CASC3: variants seen among roughly 807,000 people sequenced by gnomAD.
The protein encoded by CASC3 is protein CASC3.
In CASC3, 30 loss-of-function variants were observed where a neutral mutation model predicts 80.5. That is an observed-to-expected ratio of 0.37 (90% CI 0.28 to 0.51). CASC3 has a LOEUF of 0.51. CASC3 is among the 20% of genes least tolerant of loss of function. The pLI is 0.94. For synonymous variants in CASC3, 312 were observed against 333.6 expected (o/e 0.94, Z 0.70); for missense variants, 824 against 922.2 (o/e 0.89, Z 1.38).
chr17:40,144,068 A>T (rs1476764344), intron 3 of CASC3, among the ~76,000 whole-genome samples: 1 of 151,874 alleles, frequency 6.6e-6, no homozygotes, highest in Non-Finnish European at 1.5e-5. Flanking sequence ...CCTGGCCAAC[A>T]TGGCGAAACC....
intron 7 of CASC3, among the ~76,000 whole-genome samples, chr17:40,164,898 G>C (rs1048088887): frequency 2.0e-5 from 3 of 150,742 alleles, no homozygotes; most frequent in African/African-American, 7.3e-5. Flanking sequence ...TGGGATTACA[G>C]GCTCTCACCA....
At chr17:40,169,831 C>T (rs1257431096) in intron 13 of CASC3, among the ~76,000 whole-genome samples, 169 bp downstream of exon 13, 4 of 130,128 alleles carry the variant, frequency 3.1e-5, no homozygotes, top group Non-Finnish European at 4.7e-5. Context: ...TCTCGGCTCA[C>T]TGCAACCTCC....
chr17:40,166,450 G>A (rs1989450913), intron 7 of CASC3, among the ~76,000 whole-genome samples: 1 of 152,204 alleles, frequency 6.6e-6, no homozygotes, highest in South Asian at 2.1e-4. Flanking sequence ...CTCTTGGGCT[G>A]AGATTTTTCA....
At position 40,144,607 on chromosome 17, in the gene CASC3, A is replaced by G. The variant is rs114114997; in HGVS notation, c.297+3000A>G. ...TGATCCGTCCGCCTCAGCTTCCCAA[A>G]GTACCGGGATTACAGGTGGATTACG... On this transcript the variant is annotated intron_variant, in intron 3 of 13. Transcript: ENST00000264645. Among the ~76,000 whole-genome samples, 1,316 of 150,532 alleles carry G rather than the reference A, an allele frequency of 8.7e-3. 26 individuals carry two copies. The highest frequency in any genetic ancestry group is 0.03 in the African/African-American group (1,230 of 41,002).
chr17:40,141,137 C>T (rs958301471), intron 1 of CASC3, 70 bp from the exon 2 acceptor site: 1 of 1,399,120 alleles, frequency 7.1e-7, no homozygotes, highest in Non-Finnish European at 1.0e-6. Context: ...GCTTTTCACC[C>T]ACATTTCTTT....
At chr17:40,159,689 C>T (rs1195542213) in intron 3 of CASC3, among the ~76,000 whole-genome samples, 1 of 147,022 alleles carries the variant, frequency 6.8e-6, no homozygotes, top group East Asian at 2.0e-4. Flanking sequence ...GGACTATAGG[C>T]GCACACCACC....
At chr17:40,145,451 C>T (rs890699830) in intron 3 of CASC3, among the ~76,000 whole-genome samples, 4 of 152,040 alleles carry the variant, frequency 2.6e-5, no homozygotes, top group Non-Finnish European at 5.9e-5. Flanking sequence ...GGATTACAGG[C>T]GTGAGCTACT....
intron 3 of CASC3, among the ~76,000 whole-genome samples, chr17:40,157,114 G>A (rs929786079): frequency 1.3e-5 from 2 of 152,098 alleles, no homozygotes; most frequent in Non-Finnish European, 2.9e-5. Flanking sequence ...GGGAGGCCGA[G>A]GCGGGTGGAT....
intron 3 of CASC3, among the ~76,000 whole-genome samples, chr17:40,144,861 GT>G (rs1332614739): frequency 3.2e-4 from 42 of 132,464 alleles, no homozygotes; most frequent in Admixed American, 1.2e-3. Context: ...AAAAAATTAA[GT>G]TTTTTTTTTT....
intron 3 of CASC3, among the ~76,000 whole-genome samples, chr17:40,157,220 G>A (rs970984687): frequency 1.3e-5 from 2 of 148,466 alleles, no homozygotes; most frequent in Non-Finnish European, 3.0e-5. Context: ...TGGCGGGTGC[G>A]TGTAGTCCCA....
Position 40,166,782 on chromosome 17 carries a change from T to C in CASC3, c.1472-15T>C. 1 of 1,582,418 alleles carries C rather than the reference T, an allele frequency of 6.3e-7. No homozygotes were observed. The highest frequency in any genetic ancestry group is 1.2e-5 in the South Asian group (1 of 84,016). ...ATGTCTGATCTGCAGAAGTGACTTT[T>C]TTGGTGTATTACAGGTATGCCCAAC... On this transcript the variant is annotated splice_polypyrimidine_tract_variant and intron_variant, in intron 7 of 13. Transcript: ENST00000264645.
rs112292238 is a variant in CASC3 at position 40,157,312 on chromosome 17, T to G, written c.298-4441T>G. On this transcript the variant is annotated intron_variant, in intron 3 of 13. Coordinates refer to ENST00000264645, the MANE Select transcript of CASC3 (RefSeq NM_007359.5). ...GTGAGCTGAGATTGCACCACTACATTCCAGCCTGGACAACAGCGAGACTCC... is the reference window on the plus strand; with the variant it reads ...GTGAGCTGAGATTGCACCACTACATGCCAGCCTGGACAACAGCGAGACTCC... Among the ~76,000 whole-genome samples the G allele has an allele frequency of 5.7e-3, 864 of 151,658 alleles. 5 individuals carry two copies. Among genetic ancestry groups the G allele is most frequent in the Non-Finnish European group, 8.6e-3 (582 of 67,934 alleles).
intron 7 of CASC3, 58 bp from the exon 8 acceptor site, chr17:40,166,739 T>A: frequency 8.4e-7 from 1 of 1,186,204 alleles, no homozygotes; most frequent in Non-Finnish European, 1.2e-6. Context: ...TGATAGTATC[T>A]TTGAGTCCCA....
chr17:40,164,268 A>G, intron 7 of CASC3, 102 bp downstream of exon 7: 2 of 1,000,610 alleles, frequency 2.0e-6, no homozygotes, highest in Admixed American at 5.8e-5. Flanking sequence ...ACAAATGTCT[A>G]CTTCTTTTTT....
intron 3 of CASC3, among the ~76,000 whole-genome samples, chr17:40,154,768 A>G (rs888253582): frequency 6.6e-6 from 1 of 152,264 alleles, no homozygotes; most frequent in Non-Finnish European, 1.5e-5. Flanking sequence ...TGCCAAACTG[A>G]GAGTCATGAG....
intron 3 of CASC3, among the ~76,000 whole-genome samples, chr17:40,154,922 C>G (rs568423315): frequency 2.7e-4 from 41 of 152,054 alleles, no homozygotes; most frequent in Non-Finnish European, 5.4e-4. Flanking sequence ...TGGAGTCTCG[C>G]TCTTTCACCC....
At chr17:40,166,668 G>C (rs746048484) in intron 7 of CASC3, 129 bp from the exon 8 acceptor site, 2 of 583,280 alleles carry the variant, frequency 3.4e-6, no homozygotes, top group African/African-American at 4.0e-5. Context: ...ATAGTTTATA[G>C]AGAATTTTAT....
chr17:40,164,281 T>C, intron 7 of CASC3, 115 bp downstream of exon 7: 1 of 915,612 alleles, frequency 1.1e-6, no homozygotes, highest in Non-Finnish European at 1.6e-6. Flanking sequence ...TCTTTTTTTT[T>C]GAGACAGAGT....
intron 3 of CASC3, among the ~76,000 whole-genome samples, chr17:40,149,803 A>C (rs1256053787): frequency 6.6e-6 from 1 of 151,228 alleles, no homozygotes; most frequent in Non-Finnish European, 1.5e-5. Context: ...CAGGAGATCG[A>C]GACCATCCTG....
Sources: allele counts gnomAD v4.1 joint callset (sites outside exome capture counted in the v4.1 genomes callset), GRCh38; gene constraint gnomAD v4.1.1; transcripts MANE v1.5; gene names NCBI Gene and HGNC (gene_info 2026-07-23, HGNC 2026-07-21).